GRM8: variants seen among roughly 807,000 people sequenced by gnomAD.
GRM8 encodes the protein metabotropic glutamate receptor 8.
A neutral mutation model predicts 87.2 loss-of-function variants in GRM8; 47 were observed. The observed-to-expected ratio is 0.54, with a 90% CI of 0.43 to 0.69. The LOEUF is 0.69. Ranked by LOEUF, GRM8 falls within the 30% of genes least tolerant of loss-of-function variation. GRM8 has a pLI of 0.00. For synonymous variants in GRM8, 396 were observed against 404.5 expected (o/e 0.98, Z 0.25); for missense variants, 1,019 against 1,139.2 (o/e 0.89, Z 1.52).
intron 7 of GRM8, among the ~76,000 whole-genome samples, chr7:126,659,317 A>C (rs923510453): frequency 1.3e-5 from 2 of 152,176 alleles, no homozygotes; most frequent in African/African-American, 4.8e-5. Flanking sequence ...ATTTCTGTTA[A>C]ATAATAATGT....
chr7:127,019,392 CTA>C (rs1238405771), intron 3 of GRM8, among the ~76,000 whole-genome samples: 2 of 151,956 alleles, frequency 1.3e-5, no homozygotes, highest in African/African-American at 4.8e-5. Context: ...CAGCCAGGTG[CTA>C]TAGCAAATGG....
chr7:127,182,952 T>C (rs1454801712), intron 2 of GRM8, among the ~76,000 whole-genome samples: 1 of 151,946 alleles, frequency 6.6e-6, no homozygotes, highest in African/African-American at 2.4e-5. Flanking sequence ...CAGTGTATAC[T>C]GCTCGGGTGA....
chr7:127,177,734 A>T (rs1794199191), intron 2 of GRM8, among the ~76,000 whole-genome samples: 1 of 152,208 alleles, frequency 6.6e-6, no homozygotes, highest in Non-Finnish European at 1.5e-5. Flanking sequence ...GGGTGGCTAG[A>T]CTCAGAAGAG....
intron 3 of GRM8, among the ~76,000 whole-genome samples, chr7:127,050,496 C>G (rs1382359023): frequency 1.3e-5 from 2 of 152,156 alleles, no homozygotes; most frequent in African/African-American, 4.8e-5. Flanking sequence ...TTTCATTGGT[C>G]TCTTTTTACT....
At chr7:126,448,435 A>C (rs1298993869) in intron 9 of GRM8, among the ~76,000 whole-genome samples, 4 of 151,950 alleles carry the variant, frequency 2.6e-5, no homozygotes, top group Non-Finnish European at 5.9e-5. Context: ...CAAAAATATA[A>C]ATAATAGTCT....
intron 3 of GRM8, among the ~76,000 whole-genome samples, chr7:126,926,829 C>G (rs546342459): frequency 2.0e-5 from 3 of 152,208 alleles, no homozygotes; most frequent in Non-Finnish European, 4.4e-5. Flanking sequence ...CTTGTCTTCC[C>G]AGCATTGGTT....
At chr7:126,841,063 T>C (rs913656067) in intron 6 of GRM8, among the ~76,000 whole-genome samples, 1 of 152,244 alleles carries the variant, frequency 6.6e-6, no homozygotes, top group Non-Finnish European at 1.5e-5. Context: ...AGAATGAGCC[T>C]TAACTTCTCC....
intron 8 of GRM8, among the ~76,000 whole-genome samples, chr7:126,579,077 C>T (rs973229710): frequency 6.6e-6 from 1 of 152,036 alleles, no homozygotes; most frequent in South Asian, 2.1e-4. Flanking sequence ...GTAAAGGATT[C>T]TACTCCTCCC....
chr7:127,181,478 C>T (rs753975609), intron 2 of GRM8, among the ~76,000 whole-genome samples: 2 of 152,078 alleles, frequency 1.3e-5, no homozygotes, highest in Non-Finnish European at 2.9e-5. Flanking sequence ...TCATTCTTCA[C>T]AGAATTAGAA....
intron 3 of GRM8, among the ~76,000 whole-genome samples, chr7:127,101,530 C>T (rs1390689958): frequency 6.6e-6 from 1 of 152,122 alleles, no homozygotes; most frequent in East Asian, 1.9e-4. Context: ...GTTGCATCTC[C>T]CCCATTCCCA....
intron 3 of GRM8, among the ~76,000 whole-genome samples, chr7:127,028,782 C>T (rs1052130877): frequency 2.6e-5 from 4 of 152,034 alleles, no homozygotes; most frequent in Admixed American, 6.6e-5. Context: ...AAAAACCCAC[C>T]TCCTGGATTC....
At chr7:126,544,074 C>A (rs974140418) in intron 8 of GRM8, among the ~76,000 whole-genome samples, 3 of 152,162 alleles carry the variant, frequency 2.0e-5, no homozygotes, top group Non-Finnish European at 2.9e-5. Flanking sequence ...CTCTGTATTT[C>A]ATCCTCCTCC....
chr7:126,653,212 G>C (rs578253571), intron 7 of GRM8, among the ~76,000 whole-genome samples: 2 of 150,590 alleles, frequency 1.3e-5, no homozygotes, highest in Non-Finnish European at 3.0e-5. Context: ...CTGAGGTGGA[G>C]GATCACTTGA....
intron 3 of GRM8, among the ~76,000 whole-genome samples, chr7:126,955,130 AG>A (rs1346473400): frequency 6.6e-6 from 1 of 152,200 alleles, no homozygotes; most frequent in Non-Finnish European, 1.5e-5. Flanking sequence ...AATGAGGAAA[AG>A]GTGTATATGT....
At chr7:127,234,182 T>C (rs1488316244) in intron 2 of GRM8, among the ~76,000 whole-genome samples, 9 of 152,222 alleles carry the variant, frequency 5.9e-5, no homozygotes. Flanking sequence ...GACAAATTGC[T>C]GGTAGCTGAG....
intron 10 of GRM8, among the ~76,000 whole-genome samples, chr7:126,443,803 A>G (rs1016477105): frequency 3.9e-5 from 6 of 152,004 alleles, no homozygotes; most frequent in African/African-American, 1.4e-4. Flanking sequence ...TGCAGGCTAT[A>G]TAATTTCCAT....
chr7:127,212,083 C>T (rs1031318877), intron 2 of GRM8, among the ~76,000 whole-genome samples: 1 of 152,146 alleles, frequency 6.6e-6, no homozygotes, highest in African/African-American at 2.4e-5. Context: ...TAGTCACACC[C>T]CTATTTTTGG....
chr7:126,650,123 T>C (rs1453840596), intron 7 of GRM8, among the ~76,000 whole-genome samples: 10 of 152,230 alleles, frequency 6.6e-5, no homozygotes, highest in Non-Finnish European at 1.3e-4. Context: ...CTGCCTATCA[T>C]GAACTGGGTG....
intron 1 of GRM8, among the ~76,000 whole-genome samples, chr7:127,245,896 C>T (rs1002849281): frequency 2.6e-5 from 4 of 152,214 alleles, no homozygotes; most frequent in Non-Finnish European, 5.9e-5. Context: ...ACACAGCACA[C>T]ATGGAAAGCA....
Sources: gnomAD v4.1 joint callset for allele counts (sites outside exome capture counted in the v4.1 genomes callset) on GRCh38, gnomAD v4.1.1 for gene constraint, MANE v1.5 for transcripts, NCBI Gene and HGNC (gene_info 2026-07-23, HGNC 2026-07-21) for gene names.